Variants in TNRC6B observed in about 807,000 individuals in gnomAD.
TNRC6B encodes the protein trinucleotide repeat-containing gene 6B protein.
In TNRC6B, 52 loss-of-function variants were observed where a neutral mutation model predicts 203.6. The observed-to-expected ratio is 0.26, with a 90% CI of 0.20 to 0.32. The LOEUF is 0.32. TNRC6B is among the 10% of genes least tolerant of loss of function. The pLI is 1.00. For missense variants in TNRC6B, 1,923 were observed against 2,286.2 expected, an observed-to-expected ratio of 0.84 and a Z score of 3.24; for synonymous variants, 838 against 845.7, an observed-to-expected ratio of 0.99 and a Z score of 0.16.
intron 3 of TNRC6B, among the ~76,000 whole-genome samples, chr22:40,261,576 A>G (rs2070383194): frequency 6.6e-6 from 1 of 151,988 alleles, no homozygotes; most frequent in Non-Finnish European, 1.5e-5. Flanking sequence ...ACTGGGTGAC[A>G]GTGTGAGACT....
chr22:40,253,353 G>A (rs1171001290), intron 3 of TNRC6B, among the ~76,000 whole-genome samples: 1 of 151,362 alleles, frequency 6.6e-6, no homozygotes, highest in Non-Finnish European at 1.5e-5. Context: ...GCCTCCCAAA[G>A]TGCTGGGATT....
intron 3 of TNRC6B, among the ~76,000 whole-genome samples, chr22:40,147,902 G>C (rs1455173266): frequency 1.3e-5 from 2 of 152,210 alleles, no homozygotes; most frequent in Non-Finnish European, 2.9e-5. Context: ...GAGAGTGACT[G>C]CTGTTACGTA....
chr22:40,141,934 C>T (rs1347184193), intron 3 of TNRC6B, among the ~76,000 whole-genome samples: 1 of 152,032 alleles, frequency 6.6e-6, no homozygotes, highest in African/African-American at 2.4e-5. Context: ...ACCACCACGC[C>T]TGGCTAATTT....
At chr22:40,301,064 C>T in intron 14 of TNRC6B, 59 bp downstream of exon 14, 2 of 1,576,550 alleles carry the variant, frequency 1.3e-6, no homozygotes, top group Non-Finnish European at 1.7e-6. Flanking sequence ...CCCGGCTTAG[C>T]CTCTGATGGC....
chr22:40,287,897 C>G (rs1026347668), intron 12 of TNRC6B, among the ~76,000 whole-genome samples: 1 of 152,146 alleles, frequency 6.6e-6, no homozygotes, highest in Admixed American at 6.6e-5. Flanking sequence ...TTTGGGTAAT[C>G]GGCTGAGCCT....
At chr22:40,079,346 G>A (rs1331056402) in intron 1 of TNRC6B, among the ~76,000 whole-genome samples, 1 of 152,056 alleles carries the variant, frequency 6.6e-6, no homozygotes, top group Non-Finnish European at 1.5e-5. Context: ...GCAAGGTATG[G>A]GGACCATTTT....
rs148712173 is a variant in TNRC6B at position 40,244,276 on chromosome 22, A to G, written c.6-1739A>G. On this transcript the variant is annotated intron_variant, in intron 1 of 22. Coordinates refer to ENST00000454349, the MANE Select transcript of TNRC6B (RefSeq NM_001162501.2). ...GCGTGTTTCACACCTAGACAGAGGCACACAGTCTGACTCCAAAGAAATCCA... is the reference window on the plus strand; with the variant it reads ...GCGTGTTTCACACCTAGACAGAGGCGCACAGTCTGACTCCAAAGAAATCCA... Among the ~76,000 whole-genome samples the G allele has an allele frequency of 1.5e-3, 229 of 152,328 alleles. 8 individuals carry two copies. The East Asian group carries it at 0.029, about 19-fold the overall frequency.
chr22:40,127,877 A>C (rs1057343481), intron 3 of TNRC6B, among the ~76,000 whole-genome samples: 1 of 152,188 alleles, frequency 6.6e-6, no homozygotes, highest in African/African-American at 2.4e-5. Flanking sequence ...CCTCAAAAAA[A>C]AGGAAGATTG....
At chr22:40,054,203 G>A (rs1047461768) in intron 1 of TNRC6B, among the ~76,000 whole-genome samples, 2 of 152,296 alleles carry the variant, frequency 1.3e-5, no homozygotes, top group African/African-American at 2.4e-5. Flanking sequence ...GTGACAGAGT[G>A]AGACCCTGTC....
chr22:40,234,728 A>G (rs2146455069), intron 1 of TNRC6B, among the ~76,000 whole-genome samples: 1 of 152,302 alleles, frequency 6.6e-6, no homozygotes, highest in Non-Finnish European at 1.5e-5. Flanking sequence ...CATTTACCTT[A>G]ATCTTTCTAG....
intron 1 of TNRC6B, among the ~76,000 whole-genome samples, chr22:40,245,291 A>G (rs1026396282): frequency 6.6e-5 from 10 of 151,928 alleles, no homozygotes; most frequent in East Asian, 1.9e-4. Context: ...GGGTTTCACT[A>G]TGTTGACCAG....
chr22:40,081,060 C>T (rs1601804152), intron 1 of TNRC6B, among the ~76,000 whole-genome samples: 1 of 151,880 alleles, frequency 6.6e-6, no homozygotes, highest in South Asian at 2.1e-4. Context: ...TGCGTTTCAC[C>T]ATGTTGGCCT....
chr22:40,199,229 C>CG (rs1403952450), intron 1 of TNRC6B, among the ~76,000 whole-genome samples: 1 of 152,060 alleles, frequency 6.6e-6, no homozygotes, highest in Non-Finnish European at 1.5e-5. Flanking sequence ...AACCTATGTA[C>CG]GGACTTATCA....
intron 2 of TNRC6B, among the ~76,000 whole-genome samples, chr22:40,122,662 T>C (rs190350452): frequency 6.5e-4 from 99 of 152,224 alleles, no homozygotes; most frequent in Non-Finnish European, 5.9e-5. Flanking sequence ...AGGTGGAAAC[T>C]CAGGAGCCAG....
chr22:40,262,169 G>A lies in TNRC6B; in HGVS notation c.453G>A (p.Ala151=), dbSNP rs1185658358. The part of the protein sequence containing the change: ...GALLQSESGT[A]PDSTLGGAAA... ...TGCTGCAGAGTGAGAGTGGGACTGCGCCAGGTAAGGCACCCTGTGAATCGA... is the reference window on the plus strand; with the variant it reads ...TGCTGCAGAGTGAGAGTGGGACTGCACCAGGTAAGGCACCCTGTGAATCGA... Residue 151 remains alanine, a synonymous_variant, in exon 4 of 23, where the codon GCG becomes GCA. Coordinates refer to ENST00000454349, the MANE Select transcript of TNRC6B (RefSeq NM_001162501.2). 13 of 1,392,634 alleles carry A rather than the reference G, an allele frequency of 9.3e-6. No homozygotes were observed. The Admixed American group carries it at 9.9e-5, about 11-fold the overall frequency. The allele number at this position is 1,392,634 out of a possible 1,614,324, so 86.3% of individuals were successfully genotyped here. A position where few individuals can be genotyped will look rare whatever the true frequency, so the allele number is the denominator to read the frequency against.
chr22:40,084,513 G>A (rs1464905555), intron 1 of TNRC6B, among the ~76,000 whole-genome samples: 3 of 152,216 alleles, frequency 2.0e-5, no homozygotes, highest in East Asian at 1.9e-4. Context: ...GTGCTCAAAT[G>A]TCAGACGGTG....
intron 1 of TNRC6B, among the ~76,000 whole-genome samples, chr22:40,090,867 A>G (rs1459614598): frequency 1.3e-5 from 2 of 152,242 alleles, no homozygotes; most frequent in African/African-American, 4.8e-5. Flanking sequence ...AACCGGCTAC[A>G]CCACGTAACA....
chr22:40,079,959 C>G (rs1312460660), intron 1 of TNRC6B, among the ~76,000 whole-genome samples: 4 of 152,084 alleles, frequency 2.6e-5, no homozygotes, highest in East Asian at 3.8e-4. Flanking sequence ...CCACGCCTGG[C>G]TAATTTTTTG....
In TNRC6B at chr22:40,218,322, T is replaced by C. The variant is rs1023565324; in HGVS notation, c.6-27693T>C. The stretch of plus-strand genomic sequence containing the variant: ...GATGATTTTTTTTTTCTTTTTTCTT[T>C]TCTTTTTTTTTTTTTTTTTTTTGAG... On this transcript the variant is annotated intron_variant, in intron 1 of 22. Coordinates refer to ENST00000454349, the MANE Select transcript of TNRC6B (RefSeq NM_001162501.2). 3.6e-5 allele frequency among the ~76,000 whole-genome samples: 4 copies of C among 110,250 alleles called. No individual in the cohort carries two copies. The Admixed American group carries it at 5.0e-4, about 14-fold the overall frequency. 72.3% of individuals were successfully genotyped at this position (110,250 alleles called of 152,430 possible). A position where few individuals can be genotyped will look rare whatever the true frequency, so the allele number is the denominator to read the frequency against.
Sources: allele counts gnomAD v4.1 joint callset (sites outside exome capture counted in the v4.1 genomes callset), GRCh38; gene constraint gnomAD v4.1.1; transcripts MANE v1.5; gene names NCBI Gene and HGNC (gene_info 2026-07-23, HGNC 2026-07-21).